Variants in FRMPD4 observed in about 807,000 individuals in gnomAD.
FRMPD4 encodes the protein FERM and PDZ domain-containing protein 4.
FRMPD4 carries 22 observed loss-of-function variants against 94.1 expected under a neutral mutation model. The ratio of observed to expected loss-of-function variants is 0.23; its 90% CI spans 0.17 to 0.33. The LOEUF is 0.33. Ranked by LOEUF, FRMPD4 falls within the 10% of genes least tolerant of loss-of-function variation. The pLI is 1.00. For synonymous variants in FRMPD4, 631 were observed against 548.6 expected, an observed-to-expected ratio of 1.15 and a Z score of -2.10; for missense variants, 1,111 against 1,339.9, an observed-to-expected ratio of 0.83 and a Z score of 2.67.
At chrX:12,269,304 G>T (rs1477192570) in intron 1 of FRMPD4, among the ~76,000 whole-genome samples, 2 of 109,943 alleles carry the variant, frequency 1.8e-5, no homozygotes, top group Non-Finnish European at 3.8e-5. Flanking sequence ...GGTGATTTTG[G>T]AACAATACTT....
chrX:11,952,592 C>T (rs944644611), intron 3 of FRMPD4, among the ~76,000 whole-genome samples: 5 of 112,161 alleles, frequency 4.5e-5, no homozygotes, highest in African/African-American at 1.6e-4. Context: ...GCAGTTAACT[C>T]AGTTTTTTGC....
At chrX:12,523,851 A>G (rs1019727690) in intron 2 of FRMPD4, among the ~76,000 whole-genome samples, 25 of 80,646 alleles carry the variant, frequency 3.1e-4, no homozygotes, top group Admixed American at 6.0e-4. Context: ...AATAATTGGG[A>G]AAAAAAAAAA....
chrX:12,352,561 A>G (rs2055830782), intron 1 of FRMPD4, among the ~76,000 whole-genome samples: 1 of 112,556 alleles, frequency 8.9e-6, no homozygotes, highest in Non-Finnish European at 1.9e-5. Context: ...GGAATGATTC[A>G]CTTTTAGTTA....
intron 3 of FRMPD4, among the ~76,000 whole-genome samples, chrX:12,088,500 G>T (rs1363463456): frequency 8.9e-6 from 1 of 111,859 alleles, no homozygotes; most frequent in Non-Finnish European, 1.9e-5. Flanking sequence ...GACTTCTAGG[G>T]TCTATTTTCT....
At chrX:12,472,543 G>T (rs2057526666) in intron 1 of FRMPD4, among the ~76,000 whole-genome samples, 1 of 111,501 alleles carries the variant, frequency 9.0e-6, no homozygotes, top group South Asian at 3.8e-4. Flanking sequence ...CTAACCCATG[G>T]CAAAGAAGTT....
At chrX:11,860,807 G>A (rs1207223134) in intron 1 of FRMPD4, among the ~76,000 whole-genome samples, 2 of 111,749 alleles carry the variant, frequency 1.8e-5, no homozygotes, top group African/African-American at 3.2e-5. Context: ...AAAGTGAGGT[G>A]GGATGAGTTT....
chrX:12,162,080 CAG>C (rs1407056100), intron 1 of FRMPD4, among the ~76,000 whole-genome samples: 3 of 111,818 alleles, frequency 2.7e-5, no homozygotes, highest in Non-Finnish European at 5.6e-5. Context: ...AAAGAAAAAA[CAG>C]TGGCTGCCAT....
chrX:12,237,514 C>A (rs2057083473), intron 1 of FRMPD4, among the ~76,000 whole-genome samples: 1 of 112,138 alleles, frequency 8.9e-6, no homozygotes, highest in African/African-American at 3.2e-5. Flanking sequence ...CCAACATATT[C>A]TATTTGCTCT....
At chrX:11,946,253 T>C (rs2054188387) in intron 3 of FRMPD4, among the ~76,000 whole-genome samples, 1 of 111,625 alleles carries the variant, frequency 9.0e-6, no homozygotes, top group Non-Finnish European at 1.9e-5. Context: ...TACATTTTAC[T>C]ATTCTTTGCT....
At chrX:12,336,270 G>A (rs113630579) in intron 1 of FRMPD4, among the ~76,000 whole-genome samples, 10,669 of 111,430 alleles carry the variant, frequency 0.096, 1,279 homozygotes, top group African/African-American at 0.33. Context: ...CAACTGGACA[G>A]TTGTTGGAGC....
At chrX:12,042,085 C>T (rs1230210885) in intron 3 of FRMPD4, among the ~76,000 whole-genome samples, 1 of 111,348 alleles carries the variant, frequency 9.0e-6, no homozygotes, top group African/African-American at 3.3e-5. Context: ...GAGTCATTGT[C>T]ATAAATTTTC....
intron 1 of FRMPD4, among the ~76,000 whole-genome samples, chrX:12,361,102 A>C (rs1234180116): frequency 8.9e-6 from 1 of 112,039 alleles, no homozygotes; most frequent in East Asian, 2.8e-4. Flanking sequence ...AATTTCTCTG[A>C]AAAAACAATG....
intron 1 of FRMPD4, among the ~76,000 whole-genome samples, chrX:12,297,008 A>T (rs1188994853): frequency 8.9e-6 from 1 of 112,169 alleles, no homozygotes; most frequent in Non-Finnish European, 1.9e-5. Context: ...CACTTATCTG[A>T]GTGTTTCTCC....
At chrX:12,615,524 G>C (rs189309239) in intron 4 of FRMPD4, among the ~76,000 whole-genome samples, 68 of 111,971 alleles carry the variant, frequency 6.1e-4, no homozygotes, top group African/African-American at 2.2e-3. Flanking sequence ...GCCCACTGGA[G>C]TTATACCTCC....
At position 11,980,936 on chromosome X, in the gene FRMPD4, C is replaced by T. The variant is rs1601868332; in HGVS notation, c.95+102918C>T. Among the ~76,000 whole-genome samples the T allele has an allele frequency of 4.5e-5, 5 of 111,209 alleles. 1 individual carries two copies. The Admixed American group carries it at 4.8e-4, about 11-fold the overall frequency. ...GCTAAGACATGGGTCAGCAAACTAC[C>T]GCCCCTGGGCCATTGTAGTTTTTGT... On this transcript the variant is annotated intron_variant, in intron 3 of 18. Transcript: ENST00000640291.
intron 1 of FRMPD4, among the ~76,000 whole-genome samples, chrX:12,158,936 G>T (rs4141343): frequency 0.077 from 8,580 of 111,633 alleles, 937 homozygotes; most frequent in East Asian, 0.64. Context: ...CCTACATTTG[G>T]CAGAGAAGCT....
intron 3 of FRMPD4, among the ~76,000 whole-genome samples, chrX:11,977,503 C>T (rs1016697332): frequency 8.9e-6 from 1 of 112,336 alleles, no homozygotes; most frequent in Admixed American, 9.4e-5. Context: ...AAGAGTCTAC[C>T]TCTGTAAAAT....
chrX:11,947,270 A>G (rs754082921), intron 3 of FRMPD4, among the ~76,000 whole-genome samples: 1 of 112,405 alleles, frequency 8.9e-6, no homozygotes, highest in African/African-American at 3.2e-5. Flanking sequence ...ATAAGAGATT[A>G]TGGATCTTTA....
intron 4 of FRMPD4, among the ~76,000 whole-genome samples, chrX:12,653,511 G>A (rs2059617252): frequency 1.8e-5 from 2 of 111,730 alleles, no homozygotes; most frequent in Admixed American, 1.9e-4. Context: ...AGGGGTTCTG[G>A]TTGAAAAGAC....
Sources: allele counts gnomAD v4.1 joint callset (sites outside exome capture counted in the v4.1 genomes callset), GRCh38; gene constraint gnomAD v4.1.1; transcripts MANE v1.5; gene names NCBI Gene and HGNC (gene_info 2026-07-23, HGNC 2026-07-21).